The following HMCN2 variants were observed in gnomAD, a reference collection of about 807,000 sequenced individuals.
HMCN2 encodes the protein hemicentin-2.
Under a neutral mutation model 377.5 loss-of-function variants are expected in HMCN2, and 325 were observed. The ratio of observed to expected loss-of-function variants is 0.86; its 90% CI spans 0.79 to 0.94. The LOEUF is 0.94. Among genes scored for constraint, HMCN2 ranks in the 40% least tolerant of loss-of-function variants. The probability of loss-of-function intolerance (pLI) is 0.00; values close to 1 mark genes in which losing one functional copy is unlikely to be tolerated. For synonymous variants in HMCN2, 2,007 were observed against 2,046.8 expected (o/e 0.98, Z 0.53); for missense variants, 4,543 against 4,725.3 (o/e 0.96, Z 1.13).
chr9:130,364,668 C>A, intron 40 of HMCN2, 46 bp from the exon 41 acceptor site: 4 of 967,082 alleles, frequency 4.1e-6, no homozygotes, highest in Non-Finnish European at 4.9e-6. Context: ...CCTTGCCAGC[C>A]CCACCCATGT....
intron 95 of HMCN2, chr9:130,431,061 A>G: frequency 2.0e-6 from 1 of 500,702 alleles, no homozygotes; most frequent in East Asian, 3.5e-5. Flanking sequence ...AGGGACAAAG[A>G]GGAGGTGGCC....
At position 130,391,248 on chromosome 9, in the gene HMCN2, GT is replaced by G. The variant is rs1228017111; in HGVS notation, c.9713del (p.Val3238AlafsTer24). On this transcript the variant is annotated frameshift_variant, in exon 64 of 98. Transcript: ENST00000683500. LOFTEE classifies it high-confidence loss of function. Reference protein sequence around the residue: ...RSSGVAREHHVLEGQEVRLDC... With the variant: ...RSSGVAREHHXLEGQEVRLDC... ...CTCGGGCGTGGCGCGGGAGCACCAT[GT>G]CTTGGAAGGGCAGGAGGTGCGGCTG... is the stretch of plus-strand genomic sequence containing the variant. The G allele has an allele frequency of 1.0e-6, 1 of 987,674 alleles. No individual in the cohort carries two copies. Among genetic ancestry groups the G allele is most frequent in the Non-Finnish European group, 1.2e-6 (1 of 830,174 alleles). The allele number at this position is 987,674 out of a possible 1,614,324, so 61.2% of individuals were successfully genotyped here.
intron 86 of HMCN2, among the ~76,000 whole-genome samples, chr9:130,420,068 T>C (rs932643723): frequency 8.7e-6 from 1 of 115,496 alleles, no homozygotes; most frequent in Non-Finnish European, 1.6e-5. Context: ...CCCACTTCTT[T>C]TTTTTTTTTT....
Position 130,279,781 on chromosome 9 carries a change from C to T in HMCN2, c.260-4822C>T, listed in dbSNP as rs188992799. Among the ~76,000 whole-genome samples the T allele has an allele frequency of 2.2e-3, 334 of 152,324 alleles. 2 individuals are homozygous for T. Among genetic ancestry groups the T allele is most frequent in the Non-Finnish European group, 3.6e-3 (245 of 68,026 alleles). ...ATATCTTCCCAAAGATGTGCCTGTC[C>T]TAATGCACAGAACCTGCAAATGTGT... On this transcript the variant is annotated intron_variant, in intron 1 of 97. Transcript: ENST00000683500.
At position 130,394,433 on chromosome 9, in the gene HMCN2, C is replaced by A. The variant is rs770892655; in HGVS notation, c.10550C>A (p.Thr3517Asn). The A allele has an allele frequency of 7.8e-7, 1 of 1,289,450 alleles. No individual in the cohort carries two copies. 79.9% of individuals were successfully genotyped at this position (1,289,450 alleles called of 1,614,324 possible). Reference protein sequence around the residue: ...DSGQPTELSLTPGAPMELLCD... With the variant: ...DSGQPTELSLNPGAPMELLCD... ...GGCCAGCCTACAGAGCTGTCGCTGA[C>A]CCCCGGCGCCCCCATGGAGCTCCTC... Residue 3517 changes from threonine to asparagine, a missense_variant, in exon 69 of 98, where the codon ACC becomes AAC. Around this residue, in one of 5 missense-constraint regions of HMCN2, gnomAD observed 1,073 missense variants for 1,319.5 expected, o/e 0.81. Transcript: ENST00000683500. This position sits in a 1 kb window ranked among gnomAD's most constrained non-coding sequence, Gnocchi z 5.1.
At chr9:130,350,830 C>T (rs1310328063) in intron 29 of HMCN2, among the ~76,000 whole-genome samples, 11 of 149,902 alleles carry the variant, frequency 7.3e-5, no homozygotes, top group Admixed American at 1.3e-4. Flanking sequence ...CACTTGAGCC[C>T]GGGAGGTGGA....
chr9:130,430,174 G>T, intron 94 of HMCN2, 110 bp from the exon 95 acceptor site: 1 of 919,024 alleles, frequency 1.1e-6, no homozygotes, highest in Non-Finnish European at 1.6e-6. Flanking sequence ...CATGGGAGTG[G>T]CTGGATTCTA....
In HMCN2 at chr9:130,425,040, G is replaced by A. The variant is rs1463380469; in HGVS notation, c.13551G>A (p.Arg4517=). The change falls in exon 89 of 98, where the codon CGG becomes CGA. Residue 4517 remains arginine, a synonymous_variant. Transcript: ENST00000683500. ...TGCTCACGATGACCCAGGTGGCCCG[G>A]GGTCTGGATCCCGATGGCCTCCTGC... ...GELLTMTQVA[R]GLDPDGLLLL... The A allele has an allele frequency of 1.9e-6, 3 of 1,549,926 alleles. No individual in the cohort carries two copies. The highest frequency in any genetic ancestry group is 4.9e-5 in the East Asian group (2 of 40,920).
intron 95 of HMCN2, 109 bp downstream of exon 95, chr9:130,430,713 G>A (rs1844692689): frequency 4.8e-6 from 5 of 1,051,238 alleles, no homozygotes; most frequent in Middle Eastern, 2.3e-4. Flanking sequence ...AGACCTTCCA[G>A]GCAAGTGGGG....
chr9:130,336,250 C>CA (rs1471622564), intron 22 of HMCN2, among the ~76,000 whole-genome samples: 2 of 152,166 alleles, frequency 1.3e-5, no homozygotes, highest in African/African-American at 4.8e-5. Flanking sequence ...ACACAACAGT[C>CA]AAAAATGAGT....
intron 75 of HMCN2, 84 bp downstream of exon 75, chr9:130,398,791 C>G: frequency 6.0e-5 from 43 of 721,544 alleles, no homozygotes; most frequent in Non-Finnish European, 8.2e-5. Context: ...GGGGCAGGGA[C>G]GGGGCGGGGT....
At chr9:130,292,440 CAAG>C (rs1380070420) in intron 4 of HMCN2, among the ~76,000 whole-genome samples, 1 of 152,124 alleles carries the variant, frequency 6.6e-6, no homozygotes, top group African/African-American at 2.4e-5. Context: ...GGCATTCTTC[CAAG>C]AAGAAGAACT....
intron 43 of HMCN2, among the ~76,000 whole-genome samples, chr9:130,367,941 CAAA>C (rs10565235): frequency 1.1e-4 from 8 of 75,498 alleles, no homozygotes; most frequent in South Asian, 6.8e-4. Context: ...GACTCTGTCT[CAAA>C]AAAAAAAAAA....
intron 4 of HMCN2, among the ~76,000 whole-genome samples, chr9:130,287,653 T>A (rs1554928470): frequency 6.6e-6 from 1 of 152,072 alleles, no homozygotes; most frequent in African/African-American, 2.4e-5. Context: ...ACTGTGCGAT[T>A]ATTAAATGTC....
In HMCN2 at chr9:130,429,434, G is replaced by A. The variant is rs974363749; in HGVS notation, c.14198-123G>A. ...GCTGTGAGGGCGGCCATGCAGCCTG[G>A]TGGCACTGAAACTGGAGAAGGGGAC... is the stretch of plus-strand genomic sequence containing the variant. On this transcript the variant is annotated intron_variant, in intron 93 of 97. Coordinates refer to ENST00000683500, the MANE Select transcript of HMCN2 (RefSeq NM_001291815.2). 2.4e-6 allele frequency: 3 copies of A among 1,267,240 alleles called. No homozygotes were observed. The East Asian group carries it at 7.8e-5, about 33-fold the overall frequency. 78.5% of individuals were successfully genotyped at this position (1,267,240 alleles called of 1,614,324 possible). A position where few individuals can be genotyped will look rare whatever the true frequency, so the allele number is the denominator to read the frequency against.
intron 7 of HMCN2, among the ~76,000 whole-genome samples, 197 bp from the exon 8 acceptor site, chr9:130,298,828 C>T (rs1302739862): frequency 6.6e-6 from 1 of 152,126 alleles, no homozygotes; most frequent in Non-Finnish European, 1.5e-5. Context: ...TTCAGCACCA[C>T]GGACAGTAGC....
In HMCN2 at chr9:130,362,005, C is replaced by T. The variant is rs570806764; in HGVS notation, c.5951-3C>T. ...TGTACCCCATGTCACCCCTGCCCTG[C>T]AGTGCCCCCTCGAATCACACTGCCA... On this transcript the variant is annotated splice_region_variant and splice_polypyrimidine_tract_variant and intron_variant, in intron 38 of 97. Transcript: ENST00000683500. 129 of 986,080 alleles carry T rather than the reference C, an allele frequency of 1.3e-4. No individual in the cohort carries two copies. In the African/African-American group the frequency reaches 2.2e-3, roughly 17 times the overall value. 61.1% of individuals were successfully genotyped at this position (986,080 alleles called of 1,614,324 possible).
rs186177176 is a variant in HMCN2, at chr9:130,393,760, C to T, written c.10253C>T (p.Pro3418Leu). 23 of 1,267,492 alleles carry T rather than the reference C, an allele frequency of 1.8e-5. No individual in the cohort carries two copies. The East Asian group carries it at 5.6e-4, about 31-fold the overall frequency. 78.5% of individuals were successfully genotyped at this position (1,267,492 alleles called of 1,614,324 possible). A position where few individuals can be genotyped will look rare whatever the true frequency, so the allele number is the denominator to read the frequency against. ...TCCATAGTGCCCCCTGTCCTGGAGCCGGTGGAGTTCCAGAATGACGTGGTG... is the reference window on the plus strand; with the variant it reads ...TCCATAGTGCCCCCTGTCCTGGAGCTGGTGGAGTTCCAGAATGACGTGGTG... ...LQVQVPPVLE[P>L]VEFQNDVVVV... The change falls in exon 68 of 98, where the codon CCG becomes CTG. Residue 3418 changes from proline to leucine, a missense_variant. Pro to Leu is a moderately conservative substitution (Grantham distance 98). Around this residue, in one of 5 missense-constraint regions of HMCN2, gnomAD observed 1,073 missense variants for 1,319.5 expected, o/e 0.81. Coordinates refer to ENST00000683500, the MANE Select transcript of HMCN2 (RefSeq NM_001291815.2). The surrounding 1 kb of genome is among the most constrained non-coding windows in gnomAD (Gnocchi z 5.2).
intron 26 of HMCN2, 135 bp from the exon 27 acceptor site, chr9:130,348,410 T>C: frequency 8.3e-7 from 1 of 1,210,546 alleles, no homozygotes; most frequent in African/African-American, 1.6e-5. Context: ...GGACCCTTTG[T>C]GGCTGGGCGG....
Sources: allele counts gnomAD v4.1 joint callset (sites outside exome capture counted in the v4.1 genomes callset), GRCh38; gene constraint gnomAD v4.1.1; regional missense constraint gnomAD v4.1.1; non-coding constraint Gnocchi (gnomAD v3.1); transcripts MANE v1.5; gene names NCBI Gene and HGNC (gene_info 2026-07-23, HGNC 2026-07-21).